CEP63: variants seen among roughly 807,000 people sequenced by gnomAD.
CEP63 encodes centrosomal protein of 63 kDa.
In CEP63, 84 loss-of-function variants were observed where a neutral mutation model predicts 89.1. That is an observed-to-expected ratio of 0.94 (90% CI 0.79 to 1.13). CEP63 has a LOEUF of 1.13. Ranked by LOEUF, CEP63 falls within the 50% of genes most tolerant of loss-of-function variation. CEP63 has a pLI of 0.00. For synonymous variants in CEP63, 267 were observed against 272.5 expected (o/e 0.98, Z 0.20); for missense variants, 838 against 813.3 (o/e 1.03, Z -0.37).
At chr3:134,627,606 C>T in the CEP63 span, 1 of 662,094 alleles carries the variant, frequency 1.5e-6, no homozygotes, top group East Asian at 2.7e-5. Flanking sequence ...CATTGCTAAT[C>T]AATCATGACA....
the CEP63 span, among the ~76,000 whole-genome samples, chr3:134,770,221 T>G: frequency 6.6e-6 from 1 of 152,228 alleles, no homozygotes; most frequent in African/African-American, 2.4e-5. Context: ...CCTACTACTG[T>G]TTCCCATCCA....
the CEP63 span, among the ~76,000 whole-genome samples, chr3:134,650,576 A>G: frequency 6.6e-6 from 1 of 152,172 alleles, no homozygotes; most frequent in East Asian, 1.9e-4. Context: ...CCCAGGGGTG[A>G]CGGAAGCACC....
chr3:134,620,311 C>A, the CEP63 span, among the ~76,000 whole-genome samples: 3 of 152,130 alleles, frequency 2.0e-5, no homozygotes, highest in African/African-American at 4.8e-5. Flanking sequence ...AGTGGAGAAC[C>A]CGCTTTTCCT....
chr3:134,568,545 C>T (rs1296165293), downstream of CEP63, among the ~76,000 whole-genome samples: 1 of 152,102 alleles, frequency 6.6e-6, no homozygotes, highest in East Asian at 1.9e-4. Context: ...CAGCATGGAA[C>T]CCCAGCAGTA....
the CEP63 span, among the ~76,000 whole-genome samples, chr3:134,599,957 C>T: frequency 6.6e-6 from 1 of 152,160 alleles, no homozygotes; most frequent in Non-Finnish European, 1.5e-5. Context: ...TATTGAAAAA[C>T]AACACCAGCA....
At chr3:134,555,488 CAG>C (rs1241023283) in intron 12 of CEP63, among the ~76,000 whole-genome samples, 14 of 150,244 alleles carry the variant, frequency 9.3e-5, no homozygotes, top group African/African-American at 3.4e-4. Context: ...AACAGACAAA[CAG>C]AGAGCCAAAT....
the CEP63 span, among the ~76,000 whole-genome samples, chr3:134,634,305 GA>G: frequency 9.4e-5 from 14 of 148,752 alleles, no homozygotes; most frequent in Non-Finnish European, 1.6e-4. Context: ...AACTAATTTT[GA>G]AAAAAAAAGA....
chr3:134,771,276 C>A, the CEP63 span, among the ~76,000 whole-genome samples: 123 of 152,108 alleles, frequency 8.1e-4, 1 homozygote, highest in Non-Finnish European at 1.5e-3. Context: ...TACTATGCAG[C>A]CATAAAAAAG....
chr3:134,527,556 G>A (rs1333489735), intron 3 of CEP63, among the ~76,000 whole-genome samples: 1 of 152,170 alleles, frequency 6.6e-6, no homozygotes, highest in Non-Finnish European at 1.5e-5. Flanking sequence ...GCCTGCTGGT[G>A]GGGCAAGAAA....
At chr3:134,543,035 A>C (rs1486526285) in intron 6 of CEP63, among the ~76,000 whole-genome samples, 1 of 152,172 alleles carries the variant, frequency 6.6e-6, no homozygotes, top group Non-Finnish European at 1.5e-5. Flanking sequence ...GTTTTTAAAT[A>C]ATTATTTCTG....
chr3:134,603,822 C>T, the CEP63 span: 1 of 1,613,932 alleles, frequency 6.2e-7, no homozygotes. Flanking sequence ...GAGGTTCCAG[C>T]AGCTCATTGT....
chr3:134,724,081 C>T, the CEP63 span, among the ~76,000 whole-genome samples: 1 of 152,164 alleles, frequency 6.6e-6, no homozygotes, highest in Non-Finnish European at 1.5e-5. Context: ...CTATTATCCA[C>T]CAGCAGAGGC....
At position 134,492,077 on chromosome 3, in the gene CEP63, T is replaced by C. The variant is rs6794869; in HGVS notation, c.-25-3219T>C. ...AGACATTCTATTTGTATTCTTTTTT[T>C]TTTTTTTTTTTTTTGAGACGGAGTT... is the stretch of plus-strand genomic sequence containing the variant. On this transcript the variant is annotated intron_variant, in intron 1 of 14. Coordinates refer to ENST00000675561, the MANE Select transcript of CEP63 (RefSeq NM_001353108.3). Among the ~76,000 whole-genome samples, 473 of 144,530 alleles carry C rather than the reference T, an allele frequency of 3.3e-3. 4 individuals are homozygous for C. Among genetic ancestry groups the C allele is most frequent in the African/African-American group, 0.011 (441 of 39,382 alleles). 94.8% of individuals were successfully genotyped at this position (144,530 alleles called of 152,430 possible).
chr3:134,612,880 T>A, the CEP63 span: 1 of 151,508 alleles, frequency 6.6e-6, no homozygotes, highest in Non-Finnish European at 1.5e-5. Context: ...GGCAATGGGA[T>A]TATAGGTGAT....
chr3:134,651,136 A>G, the CEP63 span: 18 of 1,476,178 alleles, frequency 1.2e-5, no homozygotes, highest in African/African-American at 1.8e-4. Flanking sequence ...CAAACACGCC[A>G]TTAGGGCCCG....
At chr3:134,499,628 A>C (rs572197991) in intron 2 of CEP63, among the ~76,000 whole-genome samples, 1 of 151,394 alleles carries the variant, frequency 6.6e-6, no homozygotes, top group East Asian at 1.9e-4. Flanking sequence ...TACTGTTTTT[A>C]TTTTTTAGAT....
downstream of CEP63, among the ~76,000 whole-genome samples, chr3:134,576,209 T>C (rs941734392): frequency 6.6e-6 from 1 of 152,240 alleles, no homozygotes; most frequent in African/African-American, 2.4e-5. Context: ...TTTCTCCTCT[T>C]CTTTTATGCT....
chr3:134,751,310 C>T, the CEP63 span, among the ~76,000 whole-genome samples: 2 of 152,170 alleles, frequency 1.3e-5, no homozygotes, highest in African/African-American at 2.4e-5. Context: ...TTTTGGTTAT[C>T]GTGAATAGTG....
chr3:134,730,259 C>A, the CEP63 span, among the ~76,000 whole-genome samples: 1 of 152,206 alleles, frequency 6.6e-6, no homozygotes, highest in African/African-American at 2.4e-5. Flanking sequence ...TCAGCTCAGA[C>A]AGTCTTGCCA....
Sources: allele counts gnomAD v4.1 joint callset (sites outside exome capture counted in the v4.1 genomes callset), GRCh38; gene constraint gnomAD v4.1.1; transcripts MANE v1.5; gene names NCBI Gene and HGNC (gene_info 2026-07-23, HGNC 2026-07-21).